The following HOXB9 variants were observed in gnomAD, a reference collection of about 807,000 sequenced individuals.
The protein encoded by HOXB9 is homeobox B9, also known as homeobox protein Hox-B9.
Under a neutral mutation model 21.5 loss-of-function variants are expected in HOXB9, and 10 were observed. That is an observed-to-expected ratio of 0.47 (90% CI 0.29 to 0.79). HOXB9 has a LOEUF of 0.79. HOXB9 is among the 30% of genes least tolerant of loss of function. HOXB9 has a pLI of 0.10. For missense variants in HOXB9, 375 were observed against 338.7 expected (o/e 1.11, Z -0.84); for synonymous variants, 156 against 151.2 (o/e 1.03, Z -0.23).
chr17:48,624,230 T>C (rs1327150869), intron 1 of HOXB9, among the ~76,000 whole-genome samples: 1 of 152,196 alleles, frequency 6.6e-6, no homozygotes, highest in African/African-American at 2.4e-5. Context: ...GATTTTTTTA[T>C]ATAAAAAATT....
At chr17:48,625,706 C>A (rs1469662439) in intron 1 of HOXB9, 47 bp downstream of exon 1, 2 of 1,427,540 alleles carry the variant, frequency 1.4e-6, no homozygotes, top group Non-Finnish European at 1.8e-6. Context: ...CTCCCCGCCC[C>A]CCTCCTGGCC....
intron 1 of HOXB9, among the ~76,000 whole-genome samples, chr17:48,624,599 G>A (rs1429648731): frequency 2.6e-5 from 4 of 152,088 alleles, no homozygotes; most frequent in Non-Finnish European, 5.9e-5. Context: ...GGGCCACTCC[G>A]TCAATGGGAA....
chr17:48,625,004 C>A (rs1567677318), intron 1 of HOXB9, among the ~76,000 whole-genome samples: 1 of 152,206 alleles, frequency 6.6e-6, no homozygotes, highest in Non-Finnish European at 1.5e-5. Context: ...GCTCGGGAGC[C>A]CCGCAGAGAG....
rs186457142 is a variant in HOXB9 at position 48,621,826 on chromosome 17, T to G, written c.*1074A>C. On this transcript the variant is annotated 3_prime_UTR_variant, in exon 2 of 2. Coordinates refer to ENST00000311177, the MANE Select transcript of HOXB9 (RefSeq NM_024017.5). Reference sequence around the variant, plus strand: ...CCTGGCCTGGCTTTCCTGTCTACAGTGGGGTTGACCTAGCGGGGAACGGAA... The same window carrying G: ...CCTGGCCTGGCTTTCCTGTCTACAGGGGGGTTGACCTAGCGGGGAACGGAA... The G allele has an allele frequency of 1.9e-3, 286 of 152,364 alleles. 1 individual carries two copies. The highest frequency in any genetic ancestry group is 3.0e-3 in the Non-Finnish European group (201 of 68,070). 9.4% of individuals were successfully genotyped at this position (152,364 alleles called of 1,614,324 possible). A position where few individuals can be genotyped will look rare whatever the true frequency, so the allele number is the denominator to read the frequency against.
chr17:48,626,153 C>G lies in HOXB9; in HGVS notation c.117G>C (p.Pro39=). The G allele has an allele frequency of 6.3e-7, 1 of 1,595,890 alleles. No homozygotes were observed. Among genetic ancestry groups the G allele is most frequent in the Non-Finnish European group, 8.5e-7 (1 of 1,178,036 alleles). Reference sequence around the variant, plus strand: ...GGAACTCCAGGTGCTCCGCGTGGCCCGGCTGCCGCGAGCTCGCGTACTGGC... The same window carrying G: ...GGAACTCCAGGTGCTCCGCGTGGCCGGGCTGCCGCGAGCTCGCGTACTGGC... The part of the protein sequence containing the change: ...PSGQYASSRQ[P]GHAEHLEFPS... The change falls in exon 1 of 2, where the codon CCG becomes CCC. Residue 39 remains proline, a synonymous_variant. Transcript: ENST00000311177.
In HOXB9 at chr17:48,626,069, G is replaced by A. The variant is rs753591495; in HGVS notation, c.201C>T (p.Ser67=). Residue 67 remains serine, a synonymous_variant, in exon 1 of 2, where the codon AGC becomes AGT. Transcript: ENST00000311177. Reference sequence around the variant, plus strand: ...ACGGCAGGCTCCCGGACGCGTGCGGGCTCAGCGGCGCCCAGGAGGCGCCGA... The same window carrying A: ...ACGGCAGGCTCCCGGACGCGTGCGGACTCAGCGGCGCCCAGGAGGCGCCGA... ...PVFGASWAPL[S]PHASGSLPSV... is the part of the protein sequence containing the mutation. 20 of 1,577,098 alleles carry A rather than the reference G, an allele frequency of 1.3e-5. No homozygotes were observed. Among genetic ancestry groups the A allele is most frequent in the Non-Finnish European group, 1.5e-5 (18 of 1,168,684 alleles).
Position 48,621,986 on chromosome 17 carries a change from T to C in HOXB9, c.*914A>G, listed in dbSNP as rs1170708274. On this transcript the variant is annotated 3_prime_UTR_variant, in exon 2 of 2. Coordinates refer to ENST00000311177, the MANE Select transcript of HOXB9 (RefSeq NM_024017.5). ...GTCGAGAGCAAGAGAAGCTACAGTC[T>C]GTCAAGTGGTGCACAGATGAACAGG... is the stretch of plus-strand genomic sequence containing the variant. 2.0e-5 allele frequency: 3 copies of C among 152,240 alleles called. No homozygotes were observed. Among genetic ancestry groups the C allele is most frequent in the African/African-American group, 4.8e-5 (2 of 41,422 alleles). 9.4% of individuals were successfully genotyped at this position (152,240 alleles called of 1,614,324 possible). A position where few individuals can be genotyped will look rare whatever the true frequency, so the allele number is the denominator to read the frequency against.
At chr17:48,623,980 G>T (rs1265354508) in intron 1 of HOXB9, among the ~76,000 whole-genome samples, 1 of 152,178 alleles carries the variant, frequency 6.6e-6, no homozygotes, top group African/African-American at 2.4e-5. Context: ...AGCCAGGGGT[G>T]ATGTGGAGGT....
In HOXB9 at chr17:48,626,037, T is replaced by C; in HGVS notation, c.233A>G (p.Tyr78Cys). The C allele has an allele frequency of 6.3e-7, 1 of 1,578,126 alleles. No individual in the cohort carries two copies. The highest frequency in any genetic ancestry group is 8.6e-7 in the Non-Finnish European group (1 of 1,169,404). The change falls in exon 1 of 2, where the codon TAC becomes TGC. Residue 78 changes from tyrosine to cysteine, a missense_variant. Coordinates refer to ENST00000311177, the MANE Select transcript of HOXB9 (RefSeq NM_024017.5). ...GCCCTGGGGCTGGATGTAAGGGTGG[T>C]AGACGGACGGCAGGCTCCCGGACGC... ...PHASGSLPSV[Y>C]HPYIQPQGVP...
Position 48,623,143 on chromosome 17 carries a change from A to C in HOXB9, c.518-8T>G, listed in dbSNP as rs556307695. Reference sequence around the variant, plus strand: ...AGTTGGCGGAGGGGTTGGCTGAAAGAGAAGCAGCGATAGAATCAAAGAAAG... The same window carrying C: ...AGTTGGCGGAGGGGTTGGCTGAAAGCGAAGCAGCGATAGAATCAAAGAAAG... On this transcript the variant is annotated splice_polypyrimidine_tract_variant and splice_region_variant and intron_variant, in intron 1 of 1. Coordinates refer to ENST00000311177, the MANE Select transcript of HOXB9 (RefSeq NM_024017.5). 1 of 1,608,802 alleles carries C rather than the reference A, an allele frequency of 6.2e-7. No homozygotes were observed. The highest frequency in any genetic ancestry group is 2.2e-5 in the East Asian group (1 of 44,860).
At position 48,621,920 on chromosome 17, in the gene HOXB9, T is replaced by C. The variant is rs531584057; in HGVS notation, c.*980A>G. 2 of 152,338 alleles carry C rather than the reference T, an allele frequency of 1.3e-5. No individual in the cohort carries two copies. The highest frequency in any genetic ancestry group is 2.4e-5 in the African/African-American group (1 of 41,526). 9.4% of individuals were successfully genotyped at this position (152,338 alleles called of 1,614,324 possible). A position where few individuals can be genotyped will look rare whatever the true frequency, so the allele number is the denominator to read the frequency against. On this transcript the variant is annotated 3_prime_UTR_variant, in exon 2 of 2. Transcript: ENST00000311177. Reference sequence around the variant, plus strand: ...CAAGGTGGATACGACCGAAGAGAGTTGATTTCAGAGCTAGGGAGGGTGCGG... The same window carrying C: ...CAAGGTGGATACGACCGAAGAGAGTCGATTTCAGAGCTAGGGAGGGTGCGG...
chr17:48,626,218 G>A lies in HOXB9; in HGVS notation c.52C>T (p.His18Tyr). 1 of 1,599,018 alleles carries A rather than the reference G, an allele frequency of 6.3e-7. No homozygotes were observed. The highest frequency in any genetic ancestry group is 8.5e-7 in the Non-Finnish European group (1 of 1,179,696). The change falls in exon 1 of 2, where the codon CAC (histidine) becomes TAC (tyrosine). Residue 18 changes from histidine (H) to tyrosine (Y), a missense_variant. Transcript: ENST00000311177. ...SSYYVDSIIS[H>Y]ESEDAPPAKF... is the part of the protein sequence containing the mutation. ...GCTGGAGGCGCGTCCTCACTCTCGT[G>A]ACTTATGATCGAGTCGACATAATAG...
chr17:48,625,725 G>A lies in HOXB9; in HGVS notation c.517+28C>T, dbSNP rs199659441. 1.4e-5 allele frequency: 20 copies of A among 1,479,614 alleles called. No individual in the cohort carries two copies. The East Asian group carries it at 3.1e-4, about 23-fold the overall frequency. 91.7% of individuals were successfully genotyped at this position (1,479,614 alleles called of 1,614,324 possible). On this transcript the variant is annotated intron_variant, in intron 1 of 1. Coordinates refer to ENST00000311177, the MANE Select transcript of HOXB9 (RefSeq NM_024017.5). The stretch of plus-strand genomic sequence containing the variant: ...CCGCCCCCCTCCTGGCCTTCGGCCT[G>A]GGTATTTCCTCACTTTTTATAACTT...
intron 1 of HOXB9, among the ~76,000 whole-genome samples, chr17:48,624,564 G>C (rs1009272413): frequency 3.3e-5 from 5 of 152,100 alleles, no homozygotes; most frequent in Non-Finnish European, 7.4e-5. Flanking sequence ...CTCTCCAGCA[G>C]GCAAGGATGC....
Position 48,621,518 on chromosome 17 carries a change from A to C in HOXB9, c.*1382T>G, listed in dbSNP as rs1342376586. ...GTGCCATTTTGCCCCTTTCCTTTGC[A>C]CGCGGGACTGTTTCCCAGAAGCGCG... On this transcript the variant is annotated 3_prime_UTR_variant, in exon 2 of 2. Coordinates refer to ENST00000311177, the MANE Select transcript of HOXB9 (RefSeq NM_024017.5). 1.3e-5 allele frequency: 2 copies of C among 152,258 alleles called. No homozygotes were observed. The highest frequency in any genetic ancestry group is 2.4e-5 in the African/African-American group (1 of 41,448). The allele number at this position is 152,258 out of a possible 1,614,324, so 9.4% of individuals were successfully genotyped here. A position where few individuals can be genotyped will look rare whatever the true frequency, so the allele number is the denominator to read the frequency against.
chr17:48,623,574 C>T (rs1165742408), intron 1 of HOXB9, among the ~76,000 whole-genome samples: 1 of 152,142 alleles, frequency 6.6e-6, no homozygotes, highest in Non-Finnish European at 1.5e-5. Flanking sequence ...TCTGTTCAGT[C>T]ACTGCATTTG....
At chr17:48,625,638 G>T (rs528673550) in intron 1 of HOXB9, 115 bp downstream of exon 1, 22 of 1,260,582 alleles carry the variant, frequency 1.7e-5, no homozygotes, top group Non-Finnish European at 2.2e-5. Context: ...CTCCCGGCCC[G>T]CTCTCCGGCC....
chr17:48,624,272 C>T (rs1301518053), intron 1 of HOXB9, among the ~76,000 whole-genome samples: 1 of 152,154 alleles, frequency 6.6e-6, no homozygotes, highest in Non-Finnish European at 1.5e-5. Flanking sequence ...CCGTGTCTTA[C>T]CAATTTGCAG....
rs1383586589 is a variant in HOXB9 at position 48,625,988 on chromosome 17, G to T, written c.282C>A (p.Tyr94Ter). 6.5e-7 allele frequency: 1 copy of T among 1,547,006 alleles called. No homozygotes were observed. The highest frequency in any genetic ancestry group is 2.4e-5 in the East Asian group (1 of 42,312). ...GCGCCGGCTCCAGCCAGGTGCGGAGGTACCTGCTCTCGGCCGGCGGGACGC... is the reference window on the plus strand; with the variant it reads ...GCGCCGGCTCCAGCCAGGTGCGGAGTTACCTGCTCTCGGCCGGCGGGACGC... ...PQGVPPAESR[Y>*]LRTWLEPAPR... Residue 94 changes from tyrosine (Y) to a stop codon, truncating the protein, a stop_gained, in exon 1 of 2, where the codon TAC becomes TAA. Coordinates refer to ENST00000311177, the MANE Select transcript of HOXB9 (RefSeq NM_024017.5). LOFTEE classifies it high-confidence loss of function.
Sources: allele counts gnomAD v4.1 joint callset (sites outside exome capture counted in the v4.1 genomes callset), GRCh38; gene constraint gnomAD v4.1.1; transcripts MANE v1.5; gene names NCBI Gene and HGNC (gene_info 2026-07-23, HGNC 2026-07-21).